TNFRSF11A: variants seen among roughly 807,000 people sequenced by gnomAD.
The protein encoded by TNFRSF11A is tumor necrosis factor receptor superfamily member 11A.
A neutral mutation model predicts 55.7 loss-of-function variants in TNFRSF11A; 32 were observed. That is an observed-to-expected ratio of 0.57 (90% CI 0.43 to 0.77). The LOEUF (loss-of-function observed/expected upper bound fraction) is 0.77. TNFRSF11A is among the 30% of genes least tolerant of loss of function. The pLI is 0.00. For missense variants in TNFRSF11A, 753 were observed against 809.8 expected, an observed-to-expected ratio of 0.93 and a Z score of 0.85; for synonymous variants, 311 against 331.0, an observed-to-expected ratio of 0.94 and a Z score of 0.65.
chr18:62,362,378 T>G (rs1327226414), intron 7 of TNFRSF11A, among the ~76,000 whole-genome samples: 1 of 150,012 alleles, frequency 6.7e-6, no homozygotes, highest in Non-Finnish European at 1.5e-5. Context: ...TAATTCCAGC[T>G]ACTTGAGAGG....
At chr18:62,336,786 C>G (rs991389642) in intron 1 of TNFRSF11A, 1 of 152,204 alleles carries the variant, frequency 6.6e-6, no homozygotes, top group South Asian at 2.1e-4. Context: ...ACTCTTCACT[C>G]TTATCTCTCT....
intron 8 of TNFRSF11A, 50 bp downstream of exon 8, chr18:62,366,810 G>C: frequency 6.3e-7 from 1 of 1,585,352 alleles, no homozygotes; most frequent in Non-Finnish European, 8.7e-7. Context: ...CAACAGTTAG[G>C]CTGGTAGAGC....
chr18:62,343,453 T>C (rs2046341543), intron 1 of TNFRSF11A, among the ~76,000 whole-genome samples: 1 of 152,330 alleles, frequency 6.6e-6, no homozygotes, highest in South Asian at 2.1e-4. Flanking sequence ...GGATTCTAAA[T>C]ACAGATCTGC....
chr18:62,366,107 C>T (rs1910068560), intron 7 of TNFRSF11A, among the ~76,000 whole-genome samples: 2 of 152,170 alleles, frequency 1.3e-5, no homozygotes, highest in African/African-American at 4.8e-5. Flanking sequence ...TGTGAGCCAC[C>T]GCGCCTGGCC....
intron 1 of TNFRSF11A, among the ~76,000 whole-genome samples, chr18:62,343,512 G>A (rs1228884733): frequency 6.6e-6 from 1 of 152,100 alleles, no homozygotes; most frequent in Non-Finnish European, 1.5e-5. Context: ...TTCAGCTTAT[G>A]GTTTTTCAGA....
chr18:62,388,954 T>A lies in TNFRSF11A; in HGVS notation c.*3920T>A, dbSNP rs1341510660. ...GCTTGAGCAAAGGTGCTGTCTTTGG[T>A]GGAAGAAACGTAGTTTTGAGTTGTT... On this transcript the variant is annotated 3_prime_UTR_variant, in exon 10 of 10. Transcript: ENST00000586569. 3 of 152,234 alleles carry A rather than the reference T, an allele frequency of 2.0e-5. No individual in the cohort carries two copies. The highest frequency in any genetic ancestry group is 4.4e-5 in the Non-Finnish European group (3 of 68,050). The allele number at this position is 152,234 out of a possible 1,614,324, so 9.4% of individuals were successfully genotyped here. A position where few individuals can be genotyped will look rare whatever the true frequency, so the allele number is the denominator to read the frequency against.
At chr18:62,355,117 A>G (rs1032810768) in intron 4 of TNFRSF11A, among the ~76,000 whole-genome samples, 16 of 152,194 alleles carry the variant, frequency 1.1e-4, no homozygotes, top group Admixed American at 9.2e-4. Flanking sequence ...GACAGTTTAC[A>G]TAGTTACTTT....
intron 7 of TNFRSF11A, among the ~76,000 whole-genome samples, chr18:62,364,445 T>G (rs1909926707): frequency 6.6e-6 from 1 of 152,080 alleles, no homozygotes; most frequent in African/African-American, 2.4e-5. Flanking sequence ...AGCAAACAAA[T>G]GTGTGGTACA....
At position 62,335,140 on chromosome 18, in the gene TNFRSF11A, T is replaced by G. The variant is rs896168726; in HGVS notation, c.75+9713T>G. The stretch of plus-strand genomic sequence containing the variant: ...CCACTGGGGTCGGAATTTTTTTTTT[T>G]TTTTTGTTACCCAGGCTGGAGTGCA... On this transcript the variant is annotated intron_variant, in intron 1 of 9. Coordinates refer to ENST00000586569, the MANE Select transcript of TNFRSF11A (RefSeq NM_003839.4). Among the ~76,000 whole-genome samples, 160 of 151,328 alleles carry G rather than the reference T, an allele frequency of 1.1e-3. 1 individual carries two copies. Among genetic ancestry groups the G allele is most frequent in the African/African-American group, 3.7e-3 (155 of 41,396 alleles).
intron 1 of TNFRSF11A, among the ~76,000 whole-genome samples, chr18:62,340,728 T>C (rs2046299579): frequency 6.6e-6 from 1 of 152,250 alleles, no homozygotes; most frequent in African/African-American, 2.4e-5. Context: ...TCTCTGTATC[T>C]ACCTCTGTTG....
At chr18:62,364,862 C>T (rs927149485) in intron 7 of TNFRSF11A, among the ~76,000 whole-genome samples, 32 of 152,306 alleles carry the variant, frequency 2.1e-4, no homozygotes, top group South Asian at 6.2e-4. Context: ...AGCACCCTCC[C>T]TGGCACGCTT....
Position 62,384,765 on chromosome 18 carries a change from A to C in TNFRSF11A, c.1582A>C (p.Asn528His). The change falls in exon 10 of 10, where the codon AAC becomes CAC. Residue 528 changes from asparagine to histidine, a missense_variant. Coordinates refer to ENST00000586569, the MANE Select transcript of TNFRSF11A (RefSeq NM_003839.4). ...QSPASGNVTGNSNSTFISSGQ... is the reference protein window; with the variant it reads ...QSPASGNVTGHSNSTFISSGQ... ...TCTCCCCGCAGGAAATGTGACTGGA[A>C]ACAGTAACTCCACGTTCATCTCCAG... 6.2e-7 allele frequency: 1 copy of C among 1,612,468 alleles called. No homozygotes were observed. Among genetic ancestry groups the C allele is most frequent in the South Asian group, 1.1e-5 (1 of 90,544 alleles).
chr18:62,384,676 G>A, intron 9 of TNFRSF11A, 75 bp from the exon 10 acceptor site: 19 of 1,558,068 alleles, frequency 1.2e-5, no homozygotes, highest in Non-Finnish European at 1.6e-5. Flanking sequence ...CCACTCCCCG[G>A]AACCTTCCTC....
chr18:62,354,670 T>G lies in TNFRSF11A; in HGVS notation c.427+136T>G. 3 of 1,319,092 alleles carry G rather than the reference T, an allele frequency of 2.3e-6. No individual in the cohort carries two copies. In the South Asian group the frequency reaches 4.0e-5, roughly 18 times the overall value. 81.7% of individuals were successfully genotyped at this position (1,319,092 alleles called of 1,614,324 possible). A position where few individuals can be genotyped will look rare whatever the true frequency, so the allele number is the denominator to read the frequency against. ...GAGGAACCTGAGGGATGGGGAAAGG[T>G]GGGGGCTGATTTTCCACGAGATACA... On this transcript the variant is annotated intron_variant, in intron 4 of 9. Coordinates refer to ENST00000586569, the MANE Select transcript of TNFRSF11A (RefSeq NM_003839.4).
chr18:62,350,844 G>T (rs79303205), intron 3 of TNFRSF11A, among the ~76,000 whole-genome samples: 10,812 of 151,860 alleles, frequency 0.071, 944 homozygotes, highest in East Asian at 0.32. Context: ...AGAAACAGAG[G>T]TTCCTTTCTC....
intron 9 of TNFRSF11A, among the ~76,000 whole-genome samples, chr18:62,372,476 C>CT (rs1173320415): frequency 5.0e-4 from 69 of 139,276 alleles, no homozygotes; most frequent in South Asian, 9.3e-4. Flanking sequence ...TTGGGGTGGT[C>CT]TTTTTTTTTT....
At chr18:62,369,794 C>T (rs941305493) in intron 9 of TNFRSF11A, among the ~76,000 whole-genome samples, 1 of 152,204 alleles carries the variant, frequency 6.6e-6, no homozygotes, top group Non-Finnish European at 1.5e-5. Context: ...GCACTGACCC[C>T]GGAAAGACAA....
intron 9 of TNFRSF11A, among the ~76,000 whole-genome samples, chr18:62,374,898 C>A (rs1910782102): frequency 7.1e-6 from 1 of 141,556 alleles, no homozygotes; most frequent in South Asian, 2.2e-4. Context: ...TCAACTAATC[C>A]ATTCTTTTTT....
chr18:62,384,713 A>C (rs1385817265), intron 9 of TNFRSF11A, 38 bp from the exon 10 acceptor site: 1 of 1,600,874 alleles, frequency 6.2e-7, no homozygotes, highest in African/African-American at 1.4e-5. Flanking sequence ...CCGGGCGCTG[A>C]CTCACCCTCC....
Sources: allele counts gnomAD v4.1 joint callset (sites outside exome capture counted in the v4.1 genomes callset), GRCh38; gene constraint gnomAD v4.1.1; transcripts MANE v1.5; gene names NCBI Gene and HGNC (gene_info 2026-07-23, HGNC 2026-07-21).